SLC44A3: variants seen among roughly 807,000 people sequenced by gnomAD.
The protein encoded by SLC44A3 is choline transporter-like protein 3.
SLC44A3 carries 74 observed loss-of-function variants against 75.4 expected under a neutral mutation model. The ratio of observed to expected loss-of-function variants is 0.98; its 90% CI spans 0.81 to 1.19. SLC44A3 has a LOEUF of 1.19. Ranked by LOEUF, SLC44A3 falls within the 50% of genes most tolerant of loss-of-function variation. The probability of loss-of-function intolerance (pLI) is 0.00; values close to 1 mark genes in which losing one functional copy is unlikely to be tolerated. For synonymous variants in SLC44A3, 310 were observed against 296.9 expected, an observed-to-expected ratio of 1.04 and a Z score of -0.45; for missense variants, 700 against 778.6, an observed-to-expected ratio of 0.90 and a Z score of 1.20.
At chr1:94,846,608 A>G (rs1323124605) in intron 9 of SLC44A3, among the ~76,000 whole-genome samples, 2 of 152,210 alleles carry the variant, frequency 1.3e-5, no homozygotes, top group Non-Finnish European at 2.9e-5. Context: ...CTTACTAACA[A>G]TGTGAGGTTA....
intron 10 of SLC44A3, among the ~76,000 whole-genome samples, chr1:94,862,242 C>T (rs552844964): frequency 1.6e-4 from 25 of 152,330 alleles, no homozygotes; most frequent in African/African-American, 6.0e-4. Context: ...TTTGCTGGGA[C>T]CAGCTTTACG....
chr1:94,863,375 G>T (rs1008406844), intron 10 of SLC44A3, among the ~76,000 whole-genome samples: 3 of 152,118 alleles, frequency 2.0e-5, no homozygotes, highest in African/African-American at 7.2e-5. Flanking sequence ...TACCTGGAGG[G>T]CTAACCCCAA....
intron 12 of SLC44A3, among the ~76,000 whole-genome samples, chr1:94,871,418 A>G (rs1220588580): frequency 6.6e-6 from 1 of 152,114 alleles, no homozygotes; most frequent in East Asian, 1.9e-4. Flanking sequence ...AGGCAAAGGG[A>G]CCTTACAGCC....
intron 12 of SLC44A3, among the ~76,000 whole-genome samples, chr1:94,878,260 CA>C (rs57269049): frequency 0.2 from 29,732 of 150,306 alleles, 3,068 homozygotes; most frequent in Admixed American, 0.26. Flanking sequence ...AACAAACAAA[CA>C]AAAAAAAAAC....
chr1:94,857,544 A>G (rs751363497), intron 10 of SLC44A3, 44 bp downstream of exon 10: 2 of 1,533,900 alleles, frequency 1.3e-6, no homozygotes, highest in South Asian at 1.2e-5. Flanking sequence ...TATGTGGTTT[A>G]TCTATGTGCT....
rs189771778 is a variant in SLC44A3, at chr1:94,864,679, C to T, written c.1239-64C>T. On this transcript the variant is annotated intron_variant, in intron 10 of 14. Transcript: ENST00000271227. The stretch of plus-strand genomic sequence containing the variant: ...TTGTTAGTACCACAGATGATTGGAA[C>T]CAGAGAGCTTTTGCTGCTTTATAAA... 2.7e-3 allele frequency: 4,118 copies of T among 1,538,696 alleles called. 17 individuals carry two copies. Among genetic ancestry groups the T allele is most frequent in the Non-Finnish European group, 2.5e-3 (2,856 of 1,137,678 alleles).
intron 12 of SLC44A3, chr1:94,889,452 T>C (rs1028699207): frequency 6.6e-6 from 1 of 152,014 alleles, no homozygotes; most frequent in Non-Finnish European, 1.5e-5. Flanking sequence ...ACATAAATGG[T>C]CTTGAAATGT....
rs148020782 is a variant in SLC44A3 at position 94,842,095 on chromosome 1, G to T, written c.856G>T (p.Gly286Trp). Reference protein sequence around the residue: ...TERENMKCVLGFAIVSTGITA... With the variant: ...TERENMKCVLWFAIVSTGITA... ...AAGGGAAAATATGAAGTGCGTGCTG[G>T]GGTTTGCTATCGTATCCACAGGCAT... Residue 286 changes from glycine (G) to tryptophan (W), a missense_variant, in exon 8 of 15, where the codon GGG becomes TGG. Coordinates refer to ENST00000271227, the MANE Select transcript of SLC44A3 (RefSeq NM_001114106.3). 9 of 1,612,502 alleles carry T rather than the reference G, an allele frequency of 5.6e-6. No individual in the cohort carries two copies. In the African/African-American group the frequency reaches 1.2e-4, roughly 22 times the overall value.
intron 13 of SLC44A3, 68 bp downstream of exon 13, chr1:94,891,335 A>C: frequency 6.7e-7 from 1 of 1,486,338 alleles, no homozygotes; most frequent in Admixed American, 2.2e-5. Flanking sequence ...AATTGGTTTG[A>C]AAGGGAACTA....
intron 13 of SLC44A3, among the ~76,000 whole-genome samples, chr1:94,891,592 C>T (rs1042284721): frequency 2.0e-5 from 3 of 152,060 alleles, no homozygotes; most frequent in Non-Finnish European, 2.9e-5. Context: ...AGAAAATGAA[C>T]GTTTGTGGGT....
intron 10 of SLC44A3, among the ~76,000 whole-genome samples, chr1:94,862,562 T>C (rs182038817): frequency 5.3e-5 from 8 of 152,366 alleles, no homozygotes; most frequent in African/African-American, 1.9e-4. Context: ...GGCTTCGTTG[T>C]TCTGGGAGCC....
At position 94,824,473 on chromosome 1, in the gene SLC44A3, T is replaced by C. The variant is rs752211897; in HGVS notation, c.136-20T>C. The C allele has an allele frequency of 1.8e-5, 29 of 1,580,840 alleles. No homozygotes were observed. Among genetic ancestry groups the C allele is most frequent in the Non-Finnish European group, 2.5e-5 (29 of 1,167,206 alleles). On this transcript the variant is annotated intron_variant, in intron 2 of 14. Transcript: ENST00000271227. ...GCTCAGCCCTTTGGCCAGGCTCTCA[T>C]ATGCCCCCGTTTTTGCCAGGTGTTT...
intron 12 of SLC44A3, among the ~76,000 whole-genome samples, chr1:94,880,255 G>T (rs554576646): frequency 1.3e-5 from 2 of 152,352 alleles, no homozygotes; most frequent in East Asian, 1.9e-4. Flanking sequence ...CAATGGCCAA[G>T]AGGTGGAAGC....
At chr1:94,840,283 C>CTTTTTTTTT (rs56383271) in intron 7 of SLC44A3, among the ~76,000 whole-genome samples, 62 of 77,378 alleles carry the variant, frequency 8.0e-4, no homozygotes, top group East Asian at 2.2e-3. Context: ...TTTCTTTTTC[C>CTTTTTTTTT]TTTTTTTTTT....
intron 12 of SLC44A3, among the ~76,000 whole-genome samples, chr1:94,881,326 A>G (rs72718271): frequency 0.041 from 6,284 of 152,250 alleles, 365 homozygotes; most frequent in African/African-American, 0.13. Context: ...CATGAAAAAC[A>G]TGAATGTTCC....
At position 94,845,578 on chromosome 1, in the gene SLC44A3, T is replaced by C. The variant is rs531916511; in HGVS notation, c.1072+114T>C. The stretch of plus-strand genomic sequence containing the variant: ...AACCCCTCATTGAGCCAGAGGTGTC[T>C]GATGACAGCAGCGTTGGTGCTTGGG... On this transcript the variant is annotated intron_variant, in intron 9 of 14. Transcript: ENST00000271227. The C allele has an allele frequency of 5.0e-6, 5 of 990,704 alleles. No individual in the cohort carries two copies. In the African/African-American group the frequency reaches 8.1e-5, roughly 16 times the overall value. 61.4% of individuals were successfully genotyped at this position (990,704 alleles called of 1,614,324 possible).
At chr1:94,860,041 A>G (rs1666387622) in intron 10 of SLC44A3, among the ~76,000 whole-genome samples, 1 of 152,212 alleles carries the variant, frequency 6.6e-6, no homozygotes, top group Admixed American at 6.5e-5. Context: ...TTCAATTTGA[A>G]CTGTTTACCA....
Position 94,882,667 on chromosome 1 carries a change from C to G in SLC44A3, c.1483-8463C>G, listed in dbSNP as rs1388550335. Among the ~76,000 whole-genome samples, 2 of 152,042 alleles carry G rather than the reference C, an allele frequency of 1.3e-5. 1 individual carries two copies. Among genetic ancestry groups the G allele is most frequent in the African/African-American group, 4.8e-5 (2 of 41,388 alleles). The stretch of plus-strand genomic sequence containing the variant: ...GAATCATTGTTCTGGTGGGCTTTCC[C>G]TGCTGAGTGCAGAGCTTTGCTGGCA... On this transcript the variant is annotated intron_variant, in intron 12 of 14. Coordinates refer to ENST00000271227, the MANE Select transcript of SLC44A3 (RefSeq NM_001114106.3).
At chr1:94,820,654 C>G in intron 1 of SLC44A3, 176 bp downstream of exon 1, 1 of 1,386,290 alleles carries the variant, frequency 7.2e-7, no homozygotes, top group Non-Finnish European at 9.3e-7. Flanking sequence ...TGCTCCAGTG[C>G]TGGGGCGGAG....
Sources: allele counts gnomAD v4.1 joint callset (sites outside exome capture counted in the v4.1 genomes callset), GRCh38; gene constraint gnomAD v4.1.1; transcripts MANE v1.5; gene names NCBI Gene and HGNC (gene_info 2026-07-23, HGNC 2026-07-21).